ADAM23: variants seen among roughly 807,000 people sequenced by gnomAD.
The protein encoded by ADAM23 is disintegrin and metalloproteinase domain-containing protein 23.
ADAM23 carries 33 observed loss-of-function variants against 120.1 expected under a neutral mutation model. The observed-to-expected ratio is 0.27, with a 90% CI of 0.21 to 0.37. The LOEUF is 0.37. Ranked by LOEUF, ADAM23 falls within the 10% of genes least tolerant of loss-of-function variation. ADAM23 has a pLI of 1.00. For missense variants in ADAM23, 862 were observed against 1,058.2 expected (o/e 0.81, Z 2.57); for synonymous variants, 367 against 375.2 (o/e 0.98, Z 0.25).
intron 24 of ADAM23, among the ~76,000 whole-genome samples, chr2:206,607,483 T>A (rs1477123662): frequency 6.6e-6 from 1 of 152,230 alleles, no homozygotes; most frequent in Non-Finnish European, 1.5e-5. Context: ...AATGTACTAA[T>A]TGAAAGGATG....
chr2:206,589,705 T>C (rs1013175491), intron 21 of ADAM23, among the ~76,000 whole-genome samples, 191 bp downstream of exon 21: 1 of 152,220 alleles, frequency 6.6e-6, no homozygotes, highest in Admixed American at 6.5e-5. Context: ...GTTACTATGC[T>C]ACAGATTCAT....
At chr2:206,574,970 G>A (rs1698083147) in intron 18 of ADAM23, among the ~76,000 whole-genome samples, 1 of 152,136 alleles carries the variant, frequency 6.6e-6, no homozygotes, top group African/African-American at 2.4e-5. Flanking sequence ...TGCTCTTGTG[G>A]AACCTACATT....
chr2:206,524,722 A>T (rs192967956), intron 3 of ADAM23, among the ~76,000 whole-genome samples: 200 of 152,328 alleles, frequency 1.3e-3, no homozygotes, highest in African/African-American at 4.5e-3. Context: ...CCATGAGAAC[A>T]GTATCAGGGA....
chr2:206,592,553 C>T (rs114737372), intron 21 of ADAM23, 64 bp from the exon 22 acceptor site: 24,785 of 1,562,466 alleles, frequency 0.016, 192 homozygotes, highest in Non-Finnish European at 0.018. Flanking sequence ...TGGACCGAAT[C>T]GTTTTGATTT....
chr2:206,594,920 A>T lies in ADAM23; in HGVS notation c.2247+15A>T. ...CGGGCCATGGGGTAAGTAGGTATCA[A>T]TGTGACAGCTGGAACCTTCATGGTC... On this transcript the variant is annotated intron_variant, in intron 23 of 25. Transcript: ENST00000264377. 6.2e-7 allele frequency: 1 copy of T among 1,613,670 alleles called. No individual in the cohort carries two copies. The highest frequency in any genetic ancestry group is 8.5e-7 in the Non-Finnish European group (1 of 1,179,702).
chr2:206,474,128 A>G (rs921463826), intron 2 of ADAM23, among the ~76,000 whole-genome samples: 2 of 152,148 alleles, frequency 1.3e-5, no homozygotes, highest in Non-Finnish European at 2.9e-5. Flanking sequence ...TGGTTAGCCC[A>G]TAATACTATC....
Position 206,591,051 on chromosome 2 carries a change from A to C in ADAM23, c.1958+1537A>C, listed in dbSNP as rs532419694. On this transcript the variant is annotated intron_variant, in intron 21 of 25. Coordinates refer to ENST00000264377, the MANE Select transcript of ADAM23 (RefSeq NM_003812.4). Reference sequence around the variant, plus strand: ...ACTTGAAAAAATCATGAAATATATGACCAGACACGATGGCTTATGCCTGTA... The same window carrying C: ...ACTTGAAAAAATCATGAAATATATGCCCAGACACGATGGCTTATGCCTGTA... Among the ~76,000 whole-genome samples, 5 of 152,200 alleles carry C rather than the reference A, an allele frequency of 3.3e-5. No homozygotes were observed. The South Asian group carries it at 1.0e-3, about 32-fold the overall frequency.
In ADAM23 at chr2:206,619,372, T is replaced by G. The variant is rs955793007; in HGVS notation, c.*1745T>G. 7.2e-5 allele frequency: 11 copies of G among 152,186 alleles called. No individual in the cohort carries two copies. The highest frequency in any genetic ancestry group is 2.4e-4 in the African/African-American group (10 of 41,440). The allele number at this position is 152,186 out of a possible 1,614,324, so 9.4% of individuals were successfully genotyped here. A position where few individuals can be genotyped will look rare whatever the true frequency, so the allele number is the denominator to read the frequency against. ...TATGGTCAAGATAGCTTCTGTCACATGTTAAGTAAATAAGCTGAAGAAATT... is the reference window on the plus strand; with the variant it reads ...TATGGTCAAGATAGCTTCTGTCACAGGTTAAGTAAATAAGCTGAAGAAATT... On this transcript the variant is annotated 3_prime_UTR_variant, in exon 26 of 26. Transcript: ENST00000264377.
chr2:206,560,803 G>T (rs1697747838), intron 11 of ADAM23, among the ~76,000 whole-genome samples: 1 of 151,906 alleles, frequency 6.6e-6, no homozygotes, highest in South Asian at 2.1e-4. Context: ...TTAATAATCA[G>T]CAATATTAAT....
At chr2:206,591,111 C>T (rs1330309896) in intron 21 of ADAM23, among the ~76,000 whole-genome samples, 4 of 152,218 alleles carry the variant, frequency 2.6e-5, no homozygotes, top group South Asian at 4.2e-4. Flanking sequence ...GCGAGTGGAT[C>T]GCTTGAGTCC....
At chr2:206,615,361 G>C (rs1024337842) in intron 25 of ADAM23, among the ~76,000 whole-genome samples, 2 of 152,196 alleles carry the variant, frequency 1.3e-5, no homozygotes, top group Non-Finnish European at 2.9e-5. Flanking sequence ...GGTATTCAGA[G>C]GAAACCGTTA....
At chr2:206,592,212 C>T (rs1698437899) in intron 21 of ADAM23, among the ~76,000 whole-genome samples, 1 of 152,170 alleles carries the variant, frequency 6.6e-6, no homozygotes, top group African/African-American at 2.4e-5. Context: ...GGTCTTCTCC[C>T]TGTCAGTCTC....
chr2:206,500,191 G>C (rs932578612), intron 3 of ADAM23, among the ~76,000 whole-genome samples: 1 of 151,452 alleles, frequency 6.6e-6, no homozygotes, highest in Non-Finnish European at 1.5e-5. Flanking sequence ...CAGTGTAGAT[G>C]ATCTCGTACT....
intron 3 of ADAM23, among the ~76,000 whole-genome samples, chr2:206,528,999 G>A (rs1031571749): frequency 6.6e-6 from 1 of 152,118 alleles, no homozygotes; most frequent in African/African-American, 2.4e-5. Flanking sequence ...GCCCAAACAG[G>A]AACCTAGATG....
At chr2:206,534,921 GA>G (rs1697140578) in intron 4 of ADAM23, among the ~76,000 whole-genome samples, 1 of 151,776 alleles carries the variant, frequency 6.6e-6, no homozygotes, top group South Asian at 2.1e-4. Context: ...TGACTGCTGG[GA>G]AAGTATGTCT....
At chr2:206,610,059 A>G in intron 25 of ADAM23, 59 bp downstream of exon 25, 2 of 1,425,170 alleles carry the variant, frequency 1.4e-6, no homozygotes, top group African/African-American at 1.5e-5. Context: ...TTCTGCTTAC[A>G]TAACCAAGTT....
chr2:206,492,389 G>C (rs1559232144), intron 3 of ADAM23, among the ~76,000 whole-genome samples: 1 of 152,174 alleles, frequency 6.6e-6, no homozygotes, highest in African/African-American at 2.4e-5. Flanking sequence ...CACACAGCTA[G>C]TAAGTAACAG....
At chr2:206,465,715 T>G (rs1277673558) in intron 2 of ADAM23, among the ~76,000 whole-genome samples, 1 of 152,312 alleles carries the variant, frequency 6.6e-6, no homozygotes, top group Admixed American at 6.5e-5. Context: ...TTGTTTTTTA[T>G]TCTTTGGCAC....
intron 2 of ADAM23, among the ~76,000 whole-genome samples, chr2:206,455,662 C>T (rs534330530): frequency 6.6e-6 from 1 of 152,328 alleles, no homozygotes; most frequent in African/African-American, 2.4e-5. Flanking sequence ...GCAGCCAGGT[C>T]ACATCTTGAA....
Sources: allele counts gnomAD v4.1 joint callset (sites outside exome capture counted in the v4.1 genomes callset), GRCh38; gene constraint gnomAD v4.1.1; transcripts MANE v1.5; gene names NCBI Gene and HGNC (gene_info 2026-07-23, HGNC 2026-07-21).